SAMD12: variants seen among roughly 807,000 people sequenced by gnomAD.
SAMD12 encodes sterile alpha motif domain-containing protein 12.
Under a neutral mutation model 15.0 loss-of-function variants are expected in SAMD12, and 9 were observed. That is an observed-to-expected ratio of 0.60 (90% CI 0.36 to 1.05). SAMD12 has a LOEUF of 1.05. Ranked by LOEUF, SAMD12 falls within the 50% of genes least tolerant of loss-of-function variation. The pLI is 0.01. For synonymous variants in SAMD12, 86 were observed against 90.1 expected (o/e 0.96, Z 0.25); for missense variants, 230 against 234.2 (o/e 0.98, Z 0.12).
In SAMD12 at chr8:118,447,496, G is replaced by T. The variant is rs973347949; in HGVS notation, c.193-7535C>A. On this transcript the variant is annotated intron_variant, in intron 2 of 3. Coordinates refer to ENST00000314727, the MANE Select transcript of SAMD12 (RefSeq NM_207506.3). ...TTTTTTGCATTATTAGTAGAGATGG[G>T]GTTTCACCATGTTGGCCAGGTTGGT... is the stretch of plus-strand genomic sequence containing the variant. Among the ~76,000 whole-genome samples, 10 of 151,852 alleles carry T rather than the reference G, an allele frequency of 6.6e-5. No individual in the cohort carries two copies. The East Asian group carries it at 1.6e-3, about 24-fold the overall frequency.
the SAMD12 span, among the ~76,000 whole-genome samples, chr8:118,177,239 AT>A: frequency 0.49 from 66,572 of 136,978 alleles, 16,823 homozygotes; most frequent in Non-Finnish European, 0.6. Context: ...GCCACAGAGA[AT>A]TTTTTTTTTT....
intron 3 of SAMD12, among the ~76,000 whole-genome samples, chr8:118,428,582 T>G (rs752523582): frequency 6.6e-6 from 1 of 152,170 alleles, no homozygotes; most frequent in African/African-American, 2.4e-5. Flanking sequence ...TTTAGGTCCA[T>G]TATTTATTTC....
intron 4 of SAMD12, among the ~76,000 whole-genome samples, chr8:118,303,935 T>C (rs930085537): frequency 1.3e-5 from 2 of 152,178 alleles, no homozygotes; most frequent in Admixed American, 1.3e-4. Flanking sequence ...CCGACAACGA[T>C]CTTCGAGTGC....
At chr8:118,320,316 A>G (rs537916025) in intron 4 of SAMD12, among the ~76,000 whole-genome samples, 19 of 152,284 alleles carry the variant, frequency 1.2e-4, no homozygotes, top group African/African-American at 4.3e-4. Flanking sequence ...GACTCTAGAA[A>G]TCTAGCTTTG....
chr8:118,594,805 A>G (rs1180217919), intron 1 of SAMD12, among the ~76,000 whole-genome samples: 1 of 152,184 alleles, frequency 6.6e-6, no homozygotes, highest in Non-Finnish European at 1.5e-5. Flanking sequence ...AAATGAATAA[A>G]CACAGGCTGG....
At chr8:118,385,797 A>G (rs1219710375) in intron 3 of SAMD12, among the ~76,000 whole-genome samples, 1 of 152,204 alleles carries the variant, frequency 6.6e-6, no homozygotes, top group Non-Finnish European at 1.5e-5. Context: ...CCACAAATTG[A>G]TGCTCTCAAG....
chr8:118,411,390 T>A lies in SAMD12; in HGVS notation c.322+28442A>T, dbSNP rs72678120. 4.0e-3 allele frequency among the ~76,000 whole-genome samples: 613 copies of A among 152,340 alleles called. 1 individual carries two copies. The highest frequency in any genetic ancestry group is 7.0e-3 in the South Asian group (34 of 4,834). On this transcript the variant is annotated intron_variant, in intron 3 of 3. Transcript: ENST00000314727. The stretch of plus-strand genomic sequence containing the variant: ...CAAGTCCAGGATGCTGTGAGAATGA[T>A]GTAGGGTCACAGTGAGTGTGGACTC...
At chr8:118,498,944 T>A (rs1404302526) in intron 2 of SAMD12, among the ~76,000 whole-genome samples, 1 of 152,206 alleles carries the variant, frequency 6.6e-6, no homozygotes, top group African/African-American at 2.4e-5. Context: ...AAGTTCACTT[T>A]ACACCCCCTG....
At chr8:118,272,622 T>C (rs138296728) in intron 4 of SAMD12, among the ~76,000 whole-genome samples, 3,376 of 152,250 alleles carry the variant, frequency 0.022, 143 homozygotes, top group African/African-American at 0.076. Flanking sequence ...CTCTTGAATG[T>C]TTTGTTGCTT....
At chr8:118,503,811 A>G (rs1316147001) in intron 2 of SAMD12, among the ~76,000 whole-genome samples, 4 of 152,188 alleles carry the variant, frequency 2.6e-5, no homozygotes, top group Non-Finnish European at 5.9e-5. Flanking sequence ...CACTCAAAGC[A>G]GAACTAAAAG....
At chr8:118,457,301 G>A (rs1298733367) in intron 2 of SAMD12, among the ~76,000 whole-genome samples, 2 of 148,428 alleles carry the variant, frequency 1.3e-5, no homozygotes, top group East Asian at 2.0e-4. Context: ...CATGATCATC[G>A]CTCACTGCAG....
chr8:118,443,932 A>G (rs1379142172), intron 2 of SAMD12, among the ~76,000 whole-genome samples: 1 of 152,232 alleles, frequency 6.6e-6, no homozygotes, highest in Admixed American at 6.5e-5. Context: ...GTTAAACCTT[A>G]TCACTTGAAT....
At chr8:118,593,699 A>G (rs1004062434) in intron 1 of SAMD12, among the ~76,000 whole-genome samples, 1 of 152,200 alleles carries the variant, frequency 6.6e-6, no homozygotes, top group Non-Finnish European at 1.5e-5. Context: ...GTTAAAGTCA[A>G]TGTGTTTTTT....
At chr8:118,478,647 C>T (rs1472598647) in intron 2 of SAMD12, among the ~76,000 whole-genome samples, 1 of 152,300 alleles carries the variant, frequency 6.6e-6, no homozygotes, top group Admixed American at 6.5e-5. Context: ...CAGAACTGAC[C>T]AGGCAGTCTG....
intron 3 of SAMD12, among the ~76,000 whole-genome samples, chr8:118,417,098 G>T (rs1300782681): frequency 1.4e-5 from 2 of 148,026 alleles, no homozygotes; most frequent in Non-Finnish European, 3.0e-5. Context: ...TTGTTTTTTG[G>T]TTTTTTTTTT....
At position 118,522,157 on chromosome 8, in the gene SAMD12, A is replaced by AAC. The variant is rs71292173; in HGVS notation, c.192+58556_192+58557dup. 6.0e-3 allele frequency among the ~76,000 whole-genome samples: 420 copies of AAC among 70,000 alleles called. 3 individuals carry two copies. Among genetic ancestry groups the AAC allele is most frequent in the Middle Eastern group, 0.014 (2 of 140 alleles). The allele number at this position is 70,000 out of a possible 152,430, so 45.9% of individuals were successfully genotyped here. A position where few individuals can be genotyped will look rare whatever the true frequency, so the allele number is the denominator to read the frequency against. ...CAGTTAACAACTACTGATTCAGTGA[A>AAC]ACACACACACACACACACACATACA... On this transcript the variant is annotated intron_variant, in intron 2 of 3. Transcript: ENST00000314727.
At chr8:118,210,832 A>C (rs1212034403) in intron 4 of SAMD12, among the ~76,000 whole-genome samples, 2 of 152,184 alleles carry the variant, frequency 1.3e-5, no homozygotes, top group Non-Finnish European at 2.9e-5. Flanking sequence ...AAGGCCTCAC[A>C]TATTCTCTCA....
intron 4 of SAMD12, among the ~76,000 whole-genome samples, chr8:118,287,344 C>A (rs1278377431): frequency 6.6e-6 from 1 of 150,820 alleles, no homozygotes; most frequent in Non-Finnish European, 1.5e-5. Context: ...CCAGGATGGT[C>A]TTGATCTCCT....
chr8:118,146,975 C>T, the SAMD12 span, among the ~76,000 whole-genome samples: 2 of 152,158 alleles, frequency 1.3e-5, no homozygotes, highest in African/African-American at 4.8e-5. Context: ...CTAAATGGTT[C>T]ACACTTGATT....
Sources: allele counts gnomAD v4.1 joint callset (sites outside exome capture counted in the v4.1 genomes callset), GRCh38; gene constraint gnomAD v4.1.1; transcripts MANE v1.5; gene names NCBI Gene and HGNC (gene_info 2026-07-23, HGNC 2026-07-21).